ZFYVE26: variants seen among roughly 807,000 people sequenced by gnomAD.
ZFYVE26 encodes zinc finger FYVE domain-containing protein 26.
ZFYVE26 carries 181 observed loss-of-function variants against 276.5 expected under a neutral mutation model. That is an observed-to-expected ratio of 0.65 (90% confidence interval 0.58 to 0.74). The LOEUF is 0.74. ZFYVE26 is among the 30% of genes least tolerant of loss of function. ZFYVE26 has a pLI of 0.00. For synonymous variants in ZFYVE26, 1,129 were observed against 1,203.1 expected, an observed-to-expected ratio of 0.94 and a Z score of 1.27; for missense variants, 2,821 against 3,097.9, an observed-to-expected ratio of 0.91 and a Z score of 2.12.
chr14:67,772,115 T>A lies in ZFYVE26; in HGVS notation c.5416A>T (p.Arg1806Trp), dbSNP rs2039226235. Residue 1806 changes from arginine (R) to tryptophan (W), a missense_variant, in exon 28 of 42, where the codon AGG (arginine) becomes TGG (tryptophan). Physicochemically the swap from Arg to Trp is moderately radical, Grantham distance 101 (BLOSUM62 -3). Coordinates refer to ENST00000347230, the MANE Select transcript of ZFYVE26 (RefSeq NM_015346.4). ...GTCTCATCCGGTACCCACTGGTGCC[T>A]GGCAGGGGGTGTCGCTGGGGGCACA... is the stretch of plus-strand genomic sequence containing the variant. ...EFVPPATPPA[R>W]HQWVPDETES... 6.2e-7 allele frequency: 1 copy of A among 1,612,774 alleles called. No homozygotes were observed. Among genetic ancestry groups the A allele is most frequent in the Admixed American group, 1.7e-5 (1 of 59,870 alleles).
At position 67,767,845 on chromosome 14, in the gene ZFYVE26, G is replaced by C. The variant is rs775268008; in HGVS notation, c.5654-5C>G. ...CATTCTTGGAGCTGTCTAGAGCTGA[G>C]AAGAGAAATGCCATTCATGTGTCAT... On this transcript the variant is annotated splice_region_variant and splice_polypyrimidine_tract_variant and intron_variant, in intron 30 of 41. Coordinates refer to ENST00000347230, the MANE Select transcript of ZFYVE26 (RefSeq NM_015346.4). 1.2e-6 allele frequency: 2 copies of C among 1,614,156 alleles called. No homozygotes were observed. The highest frequency in any genetic ancestry group is 3.3e-5 in the Admixed American group (2 of 60,024).
In ZFYVE26 at chr14:67,747,970, A is replaced by T. The variant is rs2038527257; in HGVS notation, c.*466T>A. The T allele has an allele frequency of 5.7e-6, 1 of 175,854 alleles. No homozygotes were observed. Among genetic ancestry groups the T allele is most frequent in the South Asian group, 1.4e-4 (1 of 7,174 alleles). The allele number at this position is 175,854 out of a possible 1,614,324, so 10.9% of individuals were successfully genotyped here. On this transcript the variant is annotated 3_prime_UTR_variant, in exon 42 of 42. Coordinates refer to ENST00000347230, the MANE Select transcript of ZFYVE26 (RefSeq NM_015346.4). Reference sequence around the variant, plus strand: ...AATTCTCTGTAAAAGCCCTCTAGGTAAGAGGAGCTACTAAAGCACGTCCAC... The same window carrying T: ...AATTCTCTGTAAAAGCCCTCTAGGTTAGAGGAGCTACTAAAGCACGTCCAC...
rs2140185593 is a variant in ZFYVE26 at position 67,756,147 on chromosome 14, T to C, written c.6589-2A>G. 6.2e-7 allele frequency: 1 copy of C among 1,614,076 alleles called. No individual in the cohort carries two copies. Among genetic ancestry groups the C allele is most frequent in the East Asian group, 2.2e-5 (1 of 44,884 alleles). ...TATAAAAACTTCTGGAGGACTCTCC[T>C]GGAGCAGGGCAGGGCGAGAAGTCAG... On this transcript the variant is annotated splice_acceptor_variant, in intron 35 of 41. Coordinates refer to ENST00000347230, the MANE Select transcript of ZFYVE26 (RefSeq NM_015346.4). LOFTEE classifies it high-confidence loss of function.
chr14:67,798,700 G>A, intron 10 of ZFYVE26, 78 bp from the exon 11 acceptor site: 1 of 1,580,404 alleles, frequency 6.3e-7, no homozygotes, highest in South Asian at 1.1e-5. Flanking sequence ...TTACCTCCCA[G>A]CGTCAAACAT....
At chr14:67,729,250 C>G in exon 14 of ZFYVE26, 1 of 1,609,950 alleles carries the variant, frequency 6.2e-7, no homozygotes, top group Non-Finnish European at 8.5e-7. Context: ...GCTGGTCCGG[C>G]ACTCCTCCCT....
chr14:67,778,421 A>AT (rs1343428120), intron 23 of ZFYVE26, 173 bp from the exon 24 acceptor site: 16 of 772,000 alleles, frequency 2.1e-5, no homozygotes, highest in Non-Finnish European at 2.9e-5. Flanking sequence ...TAGCACTACC[A>AT]TAAAAAAAAG....
At chr14:67,800,838 TA>T (rs2040061779) in intron 10 of ZFYVE26, among the ~76,000 whole-genome samples, 1 of 152,032 alleles carries the variant, frequency 6.6e-6, no homozygotes, top group African/African-American at 2.4e-5. Flanking sequence ...TTAATTGTAT[TA>T]AAAATATAAT....
chr14:67,752,396 C>T lies in ZFYVE26; in HGVS notation c.7319G>A (p.Gly2440Glu), dbSNP rs1404303486. 1.9e-6 allele frequency: 3 copies of T among 1,612,964 alleles called. No homozygotes were observed. The highest frequency in any genetic ancestry group is 3.3e-5 in the Admixed American group (2 of 59,904). Residue 2440 changes from glycine to glutamate, a missense_variant, in exon 40 of 42, where the codon GGG becomes GAG. Transcript: ENST00000347230. The stretch of plus-strand genomic sequence containing the variant: ...CAGGCAGTTGAGGAGGATGGTGTCC[C>T]CGTCACTTTTGGCTGCCATGCCTGA... ...SESGMAAKSDGDTILLNCLEA... is the reference protein window; with the variant it reads ...SESGMAAKSDEDTILLNCLEA...
intron 15 of ZFYVE26, 95 bp from the exon 16 acceptor site, chr14:67,789,693 GT>G: frequency 1.3e-6 from 2 of 1,515,178 alleles, no homozygotes; most frequent in South Asian, 2.3e-5. Flanking sequence ...AATGTTTGAG[GT>G]TCATCTGCAC....
chr14:67,733,099 T>C (rs553512173), intron 13 of ZFYVE26, among the ~76,000 whole-genome samples: 9 of 151,224 alleles, frequency 6.0e-5, no homozygotes, highest in Non-Finnish European at 1.3e-4. Context: ...TGTGCACATG[T>C]ACCCTAAAAC....
At chr14:67,759,173 A>G (rs2038865665) in intron 35 of ZFYVE26, among the ~76,000 whole-genome samples, 1 of 138,006 alleles carries the variant, frequency 7.2e-6, no homozygotes, top group South Asian at 2.4e-4. Context: ...TGAACCCAGG[A>G]GGCGGAGCTT....
chr14:67,797,577 T>C (rs1263346257), intron 12 of ZFYVE26, 95 bp downstream of exon 12: 9 of 1,343,342 alleles, frequency 6.7e-6, no homozygotes, highest in Middle Eastern at 1.8e-4. Flanking sequence ...TACAACGCTT[T>C]TGTTGTTTTT....
At position 67,784,408 on chromosome 14, in the gene ZFYVE26, G is replaced by A; in HGVS notation, c.3552C>T (p.Pro1184=). The change falls in exon 20 of 42, where the codon CCC becomes CCT. Residue 1184 remains proline (P), a synonymous_variant. Transcript: ENST00000347230. Reference sequence around the variant, plus strand: ...AAGAGCTCTGTTGCAGCAGAACAAAGGGATTTCCTACCTTGACCTCCACAT... The same window carrying A: ...AAGAGCTCTGTTGCAGCAGAACAAAAGGATTTCCTACCTTGACCTCCACAT... ...PDHVEVKVGN[P]FVLLQQSSSQ... 1.2e-6 allele frequency: 2 copies of A among 1,614,078 alleles called. No homozygotes were observed. The highest frequency in any genetic ancestry group is 1.7e-6 in the Non-Finnish European group (2 of 1,179,984).
In ZFYVE26 at chr14:67,807,468, C is replaced by T. The variant is rs1186294289; in HGVS notation, c.816G>A (p.Leu272=). The T allele has an allele frequency of 1.9e-6, 3 of 1,614,162 alleles. No individual in the cohort carries two copies. The highest frequency in any genetic ancestry group is 1.7e-5 in the Admixed American group (1 of 60,030). ...CLLHKASRGL[L]SLYGHTYAEK... is the part of the protein sequence containing the mutation. ...CTGCATAGGTATGGCCATACAGGGA[C>T]AGCAGGCCCCGGCTGGCCTTGTGCA... The change falls in exon 5 of 42, where the codon CTG becomes CTA. Residue 272 remains leucine, a synonymous_variant. Coordinates refer to ENST00000347230, the MANE Select transcript of ZFYVE26 (RefSeq NM_015346.4).
rs73276693 is a variant in ZFYVE26 at position 67,750,869 on chromosome 14, C to G, written c.7416+183G>C. ...AAAGACGCATGCAGTCCATGTTCACCTGCTCCTCATCTATTCCCTCCTTTC... is the reference window on the plus strand; with the variant it reads ...AAAGACGCATGCAGTCCATGTTCACGTGCTCCTCATCTATTCCCTCCTTTC... On this transcript the variant is annotated intron_variant, in intron 41 of 41. Coordinates refer to ENST00000347230, the MANE Select transcript of ZFYVE26 (RefSeq NM_015346.4). 5.4e-3 allele frequency: 4,046 copies of G among 743,866 alleles called. 131 individuals are homozygous for G. The African/African-American group carries it at 0.061, about 11-fold the overall frequency. 46.1% of individuals were successfully genotyped at this position (743,866 alleles called of 1,614,324 possible).
chr14:67,763,400 T>C (rs1397848937), intron 32 of ZFYVE26, among the ~76,000 whole-genome samples: 1 of 152,228 alleles, frequency 6.6e-6, no homozygotes, highest in Non-Finnish European at 1.5e-5. Flanking sequence ...CAGTTAGCAA[T>C]GAACTGCATA....
chr14:67,777,831 T>C, intron 24 of ZFYVE26, 96 bp from the exon 25 acceptor site: 1 of 1,493,248 alleles, frequency 6.7e-7, no homozygotes, highest in Non-Finnish European at 9.3e-7. Context: ...GGTTTACTCA[T>C]TTTGGACTAA....
intron 27 of ZFYVE26, 65 bp downstream of exon 27, chr14:67,774,951 T>C: frequency 9.2e-7 from 1 of 1,081,360 alleles, no homozygotes; most frequent in East Asian, 2.5e-5. Flanking sequence ...AAAAAAATTC[T>C]GAAGGATAGA....
At chr14:67,791,542 T>C (rs1454945666) in intron 14 of ZFYVE26, among the ~76,000 whole-genome samples, 2 of 152,184 alleles carry the variant, frequency 1.3e-5, no homozygotes, top group Admixed American at 6.5e-5. Flanking sequence ...ATATTGGTTG[T>C]TCCATACTAT....
Sources: gnomAD v4.1 joint callset for allele counts (sites outside exome capture counted in the v4.1 genomes callset) on GRCh38, gnomAD v4.1.1 for gene constraint, MANE v1.5 for transcripts, NCBI Gene and HGNC (gene_info 2026-07-23, HGNC 2026-07-21) for gene names.